COL4A2: variants seen among roughly 807,000 people sequenced by gnomAD.
COL4A2 encodes the protein collagen alpha-2(IV) chain.
In COL4A2, 99 loss-of-function variants were observed where a neutral mutation model predicts 200.2. That is an observed-to-expected ratio of 0.49 (90% CI 0.42 to 0.58). The LOEUF is 0.58. COL4A2 is among the 20% of genes least tolerant of loss of function. The pLI is 0.00. For missense variants in COL4A2, 1,950 were observed against 2,314.1 expected (o/e 0.84, Z 3.23); for synonymous variants, 897 against 900.6 (o/e 1.00, Z 0.07).
intron 12 of COL4A2, among the ~76,000 whole-genome samples, chr13:110,435,457 A>T (rs1334828842): frequency 6.6e-6 from 1 of 152,230 alleles, no homozygotes; most frequent in Non-Finnish European, 1.5e-5. Flanking sequence ...CAACAGGTAC[A>T]AGGGAGGAGA....
At chr13:110,402,507 G>A (rs1295865558) in intron 4 of COL4A2, among the ~76,000 whole-genome samples, 1 of 152,186 alleles carries the variant, frequency 6.6e-6, no homozygotes, top group African/African-American at 2.4e-5. Context: ...GCCTCCCATG[G>A]CTTCACTGGG....
At chr13:110,462,486 A>G (rs1882068937) in intron 24 of COL4A2, 102 bp downstream of exon 24, 10 of 1,080,484 alleles carry the variant, frequency 9.3e-6, no homozygotes, top group Non-Finnish European at 1.4e-5. Context: ...CACTAAACCA[A>G]CCTGTGCATA....
intron 24 of COL4A2, among the ~76,000 whole-genome samples, chr13:110,462,863 C>T (rs1566547958): frequency 1.3e-5 from 2 of 152,272 alleles, no homozygotes; most frequent in East Asian, 3.9e-4. Flanking sequence ...GAGACAAGAC[C>T]CCTTCCTGTG....
chr13:110,362,538 C>G (rs1877565689), intron 4 of COL4A2, among the ~76,000 whole-genome samples: 1 of 151,230 alleles, frequency 6.6e-6, no homozygotes, highest in South Asian at 2.1e-4. Flanking sequence ...CCAGTCTGGT[C>G]TTGAACTCCT....
At chr13:110,311,799 C>G (rs543590959) in intron 3 of COL4A2, among the ~76,000 whole-genome samples, 1 of 152,222 alleles carries the variant, frequency 6.6e-6, no homozygotes, top group African/African-American at 2.4e-5. Flanking sequence ...GACCTCTGGC[C>G]GGGACCTGGG....
intron 20 of COL4A2, among the ~76,000 whole-genome samples, chr13:110,455,689 T>C (rs1337292639): frequency 6.6e-6 from 1 of 152,186 alleles, no homozygotes; most frequent in African/African-American, 2.4e-5. Flanking sequence ...GAATGAGCTA[T>C]GGTAAACGTG....
rs1883759114 is a variant in COL4A2, at chr13:110,504,186, A to T, written c.4324A>T (p.Arg1442Ter). ...TCCAGGGAAAGCTGGGCCCCAAGGA[A>T]GAGGTGGTGTGTCTGCTGTTCCCGG... Reference protein sequence around the residue: ...GAPGKAGPQGRGGVSAVPGFR... With the variant: ...GAPGKAGPQG Residue 1442 changes from arginine to a stop codon, truncating the protein, a stop_gained, in exon 45 of 48, where the codon AGA (arginine) becomes TGA (stop). Transcript: ENST00000360467. LOFTEE classifies it high-confidence loss of function. The T allele has an allele frequency of 6.2e-7, 1 of 1,614,052 alleles. No homozygotes were observed. Among genetic ancestry groups the T allele is most frequent in the Non-Finnish European group, 8.5e-7 (1 of 1,180,034 alleles).
chr13:110,346,556 T>C (rs1028413366), intron 3 of COL4A2, among the ~76,000 whole-genome samples: 2 of 152,102 alleles, frequency 1.3e-5, no homozygotes, highest in African/African-American at 4.8e-5. Context: ...CGGGGCACCC[T>C]CCAGTGCTCC....
intron 3 of COL4A2, among the ~76,000 whole-genome samples, chr13:110,335,804 A>C (rs1398687312): frequency 1.3e-5 from 2 of 152,186 alleles, no homozygotes; most frequent in Non-Finnish European, 2.9e-5. Context: ...TCTTCTATGG[A>C]GTTTAAACTA....
intron 4 of COL4A2, among the ~76,000 whole-genome samples, chr13:110,376,479 CA>C (rs374440119): frequency 5.1e-4 from 76 of 150,064 alleles, no homozygotes; most frequent in Non-Finnish European, 7.0e-4. Context: ...CCCCCCCACC[CA>C]AAAAAAAATC....
In COL4A2 at chr13:110,419,225, G is replaced by A. The variant is rs189038129; in HGVS notation, c.181-5509G>A. Among the ~76,000 whole-genome samples the A allele has an allele frequency of 1.9e-4, 29 of 152,318 alleles. No individual in the cohort carries two copies. In the East Asian group the frequency reaches 5.2e-3, roughly 27 times the overall value. ...GAGACAGGAAGAGTCCGCTTAGGAA[G>A]GAGAAGGGATTTCCTACTATTCAGA... On this transcript the variant is annotated intron_variant, in intron 4 of 47. Transcript: ENST00000360467.
chr13:110,504,452 GTCCTGGGACAGCCTCCCTCCTTT>G (rs1274723901), intron 45 of COL4A2, among the ~76,000 whole-genome samples, 188 bp downstream of exon 45: 1 of 152,222 alleles, frequency 6.6e-6, no homozygotes, highest in Non-Finnish European at 1.5e-5. Context: ...CTGGCCCCGA[GTCCTGGGACAGCCTCCCTCCTTT>G]TCCTGGGACA....
chr13:110,466,893 C>A, intron 26 of COL4A2, 147 bp from the exon 27 acceptor site: 1 of 990,724 alleles, frequency 1.0e-6, no homozygotes, highest in Non-Finnish European at 1.5e-6. Context: ...ACATCAGAAC[C>A]AAGATGAATT....
At chr13:110,340,573 G>T (rs1422694426) in intron 3 of COL4A2, among the ~76,000 whole-genome samples, 1 of 152,220 alleles carries the variant, frequency 6.6e-6, no homozygotes, top group East Asian at 1.9e-4. Context: ...ACCTTGGGGA[G>T]TTCCTTTGGC....
chr13:110,470,785 T>A (rs9555706), intron 28 of COL4A2, among the ~76,000 whole-genome samples: 1 of 152,000 alleles, frequency 6.6e-6, no homozygotes, highest in Admixed American at 6.5e-5. Context: ...GATAGCTGAT[T>A]TAAGCCTCAA....
intron 3 of COL4A2, among the ~76,000 whole-genome samples, chr13:110,315,199 G>A (rs1246471290): frequency 6.6e-6 from 1 of 152,206 alleles, no homozygotes; most frequent in Non-Finnish European, 1.5e-5. Context: ...CAGGTGACCC[G>A]CAGCAGGTAT....
chr13:110,353,604 G>A (rs765740112), intron 3 of COL4A2, among the ~76,000 whole-genome samples: 2 of 152,212 alleles, frequency 1.3e-5, no homozygotes, highest in African/African-American at 2.4e-5. Flanking sequence ...TCAGAGACTT[G>A]TTGAGTTTTT....
chr13:110,360,287 T>G (rs1478163436), intron 4 of COL4A2, among the ~76,000 whole-genome samples: 1 of 152,210 alleles, frequency 6.6e-6, no homozygotes, highest in African/African-American at 2.4e-5. Context: ...ACAAACTGAG[T>G]AGAGGTGACC....
At chr13:110,494,899 G>A (rs934615304) in intron 39 of COL4A2, among the ~76,000 whole-genome samples, 34 of 152,374 alleles carry the variant, frequency 2.2e-4, no homozygotes, top group Middle Eastern at 3.4e-3. Context: ...TCCAGTGGGC[G>A]AGTGGCGGGA....
Sources: gnomAD v4.1 joint callset for allele counts (sites outside exome capture counted in the v4.1 genomes callset) on GRCh38, gnomAD v4.1.1 for gene constraint, MANE v1.5 for transcripts, NCBI Gene and HGNC (gene_info 2026-07-23, HGNC 2026-07-21) for gene names.